KAZN: variants seen among roughly 807,000 people sequenced by gnomAD.
The protein encoded by KAZN is kazrin, periplakin interacting protein.
In KAZN, 40 loss-of-function variants were observed where a neutral mutation model predicts 87.4. The ratio of observed to expected loss-of-function variants is 0.46; its 90% CI spans 0.36 to 0.60. KAZN has a LOEUF of 0.60. Ranked by LOEUF, KAZN falls within the 20% of genes least tolerant of loss-of-function variation. The probability of loss-of-function intolerance (pLI) is 0.00; values close to 1 mark genes in which losing one functional copy is unlikely to be tolerated. For synonymous variants in KAZN, 466 were observed against 458.3 expected (o/e 1.02, Z -0.22); for missense variants, 898 against 1,073.9 (o/e 0.84, Z 2.29).
At chr1:14,441,276 T>C (rs1666687595) in intron 2 of KAZN, among the ~76,000 whole-genome samples, 1 of 152,010 alleles carries the variant, frequency 6.6e-6, no homozygotes, top group South Asian at 2.1e-4. Flanking sequence ...TATATATATA[T>C]ATATATTTTA....
chr1:14,350,423 G>A (rs185932398), intron 2 of KAZN, among the ~76,000 whole-genome samples: 1 of 152,328 alleles, frequency 6.6e-6, no homozygotes, highest in African/African-American at 2.4e-5. Context: ...CCTCATTATG[G>A]CTGTCACCAT....
chr1:14,653,057 T>G (rs983587180), intron 1 of KAZN, among the ~76,000 whole-genome samples: 2 of 152,198 alleles, frequency 1.3e-5, no homozygotes, highest in Admixed American at 6.5e-5. Flanking sequence ...CTTACCGTCT[T>G]GCAGGGGAAG....
chr1:14,848,733 C>A (rs894139936), intron 1 of KAZN, among the ~76,000 whole-genome samples: 2 of 152,204 alleles, frequency 1.3e-5, no homozygotes, highest in African/African-American at 4.8e-5. Context: ...CGTCGCCATC[C>A]ATCCCCCATG....
intron 1 of KAZN, among the ~76,000 whole-genome samples, chr1:14,121,874 A>G (rs1644758582): frequency 6.6e-6 from 1 of 152,184 alleles, no homozygotes; most frequent in Admixed American, 6.5e-5. Context: ...ATATCTGAGC[A>G]AAGAACATTC....
intron 2 of KAZN, among the ~76,000 whole-genome samples, chr1:15,030,224 A>G (rs2102220850): frequency 6.6e-6 from 1 of 152,134 alleles, no homozygotes; most frequent in South Asian, 2.1e-4. Flanking sequence ...TTCCTTAAGG[A>G]GCCTTCTGAC....
intron 1 of KAZN, among the ~76,000 whole-genome samples, chr1:14,669,654 G>A (rs1639796937): frequency 6.6e-6 from 1 of 152,148 alleles, no homozygotes; most frequent in South Asian, 2.1e-4. Flanking sequence ...GGCTGGGATG[G>A]GAGGATCGCT....
chr1:13,970,847 A>G (rs1239360635), intron 1 of KAZN, among the ~76,000 whole-genome samples: 9 of 152,254 alleles, frequency 5.9e-5, no homozygotes, highest in Middle Eastern at 3.4e-3. Context: ...TCTTTCATGG[A>G]GTTGTGGATT....
chr1:14,802,669 C>T (rs1167586359), intron 1 of KAZN, among the ~76,000 whole-genome samples: 3 of 152,186 alleles, frequency 2.0e-5, no homozygotes, highest in African/African-American at 4.8e-5. Flanking sequence ...TTCCCGGCAC[C>T]GCTGTTCACA....
intron 1 of KAZN, among the ~76,000 whole-genome samples, chr1:14,811,939 A>C (rs1291010099): frequency 1.3e-5 from 2 of 152,192 alleles, no homozygotes; most frequent in East Asian, 3.9e-4. Flanking sequence ...GGTCTTCAAA[A>C]TCCATCTAAG....
chr1:15,088,816 G>A (rs1160027925), intron 8 of KAZN, among the ~76,000 whole-genome samples: 1 of 152,042 alleles, frequency 6.6e-6, no homozygotes, highest in Non-Finnish European at 1.5e-5. Flanking sequence ...GTGAATAGCT[G>A]TCTTGCAGAA....
intron 1 of KAZN, among the ~76,000 whole-genome samples, chr1:13,969,243 G>C (rs1642053391): frequency 1.3e-5 from 2 of 152,166 alleles, no homozygotes; most frequent in Admixed American, 6.5e-5. Context: ...TGTTAAAGTA[G>C]TAGTCAGAGT....
intron 1 of KAZN, among the ~76,000 whole-genome samples, chr1:14,172,301 G>A (rs1570933106): frequency 6.6e-6 from 1 of 152,226 alleles, no homozygotes; most frequent in African/African-American, 2.4e-5. Flanking sequence ...AGAAGAATGT[G>A]CATACCACAC....
At chr1:14,517,402 C>A (rs1415182058) in intron 2 of KAZN, among the ~76,000 whole-genome samples, 2 of 152,096 alleles carry the variant, frequency 1.3e-5, no homozygotes, top group Non-Finnish European at 2.9e-5. Context: ...CCCCTTGATC[C>A]AGCCACACCC....
chr1:14,383,477 T>C (rs1214484699), intron 2 of KAZN, among the ~76,000 whole-genome samples: 8 of 151,970 alleles, frequency 5.3e-5, no homozygotes, highest in Non-Finnish European at 1.2e-4. Flanking sequence ...TAATCCATCT[T>C]GAATTGATTT....
intron 1 of KAZN, among the ~76,000 whole-genome samples, chr1:14,875,011 C>T (rs1652593480): frequency 6.6e-6 from 1 of 151,946 alleles, no homozygotes; most frequent in Non-Finnish European, 1.5e-5. Context: ...CATGTTAAAG[C>T]CAAATGAGGA....
intron 2 of KAZN, among the ~76,000 whole-genome samples, chr1:14,187,350 C>A (rs1646330021): frequency 6.6e-6 from 1 of 152,104 alleles, no homozygotes; most frequent in Non-Finnish European, 1.5e-5. Context: ...ATTCTTAAAG[C>A]TACACACTAC....
At chr1:14,169,920 T>G (rs1202627394) in intron 1 of KAZN, among the ~76,000 whole-genome samples, 2 of 152,156 alleles carry the variant, frequency 1.3e-5, no homozygotes, top group African/African-American at 4.8e-5. Flanking sequence ...GGGTTCAAAC[T>G]CAGGAAATCT....
intron 1 of KAZN, among the ~76,000 whole-genome samples, chr1:14,118,907 G>A (rs950941695): frequency 9.2e-5 from 14 of 152,262 alleles, no homozygotes; most frequent in South Asian, 8.3e-4. Context: ...AAAAGAATGC[G>A]ACAGATTGGT....
chr1:14,910,440 C>T (rs1355799572), intron 1 of KAZN, among the ~76,000 whole-genome samples: 1 of 152,134 alleles, frequency 6.6e-6, no homozygotes, highest in African/African-American at 2.4e-5. Flanking sequence ...ACTCTTGACA[C>T]CAGATAATTC....
Sources: allele counts gnomAD v4.1 joint callset (sites outside exome capture counted in the v4.1 genomes callset), GRCh38; gene constraint gnomAD v4.1.1; transcripts MANE v1.5; gene names NCBI Gene and HGNC (gene_info 2026-07-23, HGNC 2026-07-21).